TG: variants seen among roughly 807,000 people sequenced by gnomAD.
TG encodes thyroid hormones.
A neutral mutation model predicts 324.7 loss-of-function variants in TG; 270 were observed. That is an observed-to-expected ratio of 0.83 (90% confidence interval 0.75 to 0.92). TG has a LOEUF of 0.92. Among genes scored for constraint, TG ranks in the 40% least tolerant of loss-of-function variants. The pLI, the probability that TG is intolerant of heterozygous loss-of-function variation, is 0.00. For synonymous variants in TG, 1,401 were observed against 1,327.0 expected (o/e 1.06, Z -1.21); for missense variants, 3,591 against 3,456.4 (o/e 1.04, Z -0.98).
chr8:133,036,088 C>T (rs1241562297), intron 41 of TG, among the ~76,000 whole-genome samples: 1 of 152,184 alleles, frequency 6.6e-6, no homozygotes, highest in Non-Finnish European at 1.5e-5. Flanking sequence ...GCAGGAATTG[C>T]CCCATTATTC....
At chr8:132,878,669 G>A (rs1054643744) in intron 5 of TG, among the ~76,000 whole-genome samples, 6 of 151,462 alleles carry the variant, frequency 4.0e-5, no homozygotes, top group Non-Finnish European at 5.9e-5. Flanking sequence ...CAGAGGCTGC[G>A]AATGTTGGGT....
At chr8:132,989,766 G>A (rs1832071055) in intron 35 of TG, among the ~76,000 whole-genome samples, 1 of 152,180 alleles carries the variant, frequency 6.6e-6, no homozygotes, top group South Asian at 2.1e-4. Flanking sequence ...TGGAAACAGA[G>A]TCCTGTGATC....
intron 35 of TG, among the ~76,000 whole-genome samples, chr8:132,993,137 C>T (rs949474839): frequency 6.6e-6 from 1 of 152,270 alleles, no homozygotes; most frequent in South Asian, 2.1e-4. Context: ...AGTAGATGCT[C>T]AATATTATTT....
At chr8:132,903,817 C>T (rs1327774102) in intron 16 of TG, among the ~76,000 whole-genome samples, 1 of 152,214 alleles carries the variant, frequency 6.6e-6, no homozygotes, top group East Asian at 1.9e-4. Flanking sequence ...GTCCCCTAAC[C>T]TCTCTGGATG....
intron 2 of TG, among the ~76,000 whole-genome samples, chr8:132,869,337 C>T (rs1387931672): frequency 6.6e-6 from 1 of 152,180 alleles, no homozygotes; most frequent in African/African-American, 2.4e-5. Context: ...GGCCCCTGAT[C>T]CCACTAACAT....
At chr8:133,088,718 C>A (rs959121601) in intron 41 of TG, among the ~76,000 whole-genome samples, 7 of 152,186 alleles carry the variant, frequency 4.6e-5, no homozygotes, top group African/African-American at 1.7e-4. Flanking sequence ...CAGATTGTCT[C>A]CTAGATCATG....
intron 40 of TG, among the ~76,000 whole-genome samples, chr8:133,027,192 C>T (rs556556134): frequency 2.6e-5 from 4 of 152,252 alleles, no homozygotes; most frequent in East Asian, 1.9e-4. Context: ...TTGAAGAGAT[C>T]GAATGAGCAA....
chr8:133,129,094 G>A (rs530081538), intron 45 of TG, among the ~76,000 whole-genome samples: 4 of 152,260 alleles, frequency 2.6e-5, no homozygotes, highest in Admixed American at 6.5e-5. Flanking sequence ...CTTGGTCCTC[G>A]ACTCCCAGAT....
chr8:133,008,181 C>A (rs1224991408), intron 35 of TG, among the ~76,000 whole-genome samples: 1 of 152,036 alleles, frequency 6.6e-6, no homozygotes, highest in Non-Finnish European at 1.5e-5. Flanking sequence ...TTCCAAGTAA[C>A]CCAATGAAGC....
chr8:133,087,957 G>C (rs1447578480), intron 41 of TG: 3 of 152,220 alleles, frequency 2.0e-5, no homozygotes, highest in African/African-American at 7.2e-5. Flanking sequence ...TCTTTCTTGA[G>C]TGTACCGCAA....
intron 1 of TG, 118 bp downstream of exon 1, chr8:132,867,185 C>A: frequency 1.1e-6 from 1 of 907,668 alleles, no homozygotes; most frequent in Non-Finnish European, 1.7e-6. Context: ...TCCCACATGT[C>A]AGTGATTTGC....
intron 44 of TG, among the ~76,000 whole-genome samples, chr8:133,115,796 C>T (rs1361748920): frequency 6.6e-6 from 1 of 152,224 alleles, no homozygotes; most frequent in African/African-American, 2.4e-5. Flanking sequence ...CCTCTCTAAG[C>T]ACATAGCCTG....
intron 45 of TG, among the ~76,000 whole-genome samples, chr8:133,118,113 C>G (rs1201765119): frequency 6.6e-6 from 1 of 152,098 alleles, no homozygotes; most frequent in Non-Finnish European, 1.5e-5. Context: ...ATGGCCACCT[C>G]AAGATAGACT....
At chr8:133,062,230 A>C (rs1842467646) in intron 41 of TG, among the ~76,000 whole-genome samples, 1 of 152,114 alleles carries the variant, frequency 6.6e-6, no homozygotes, top group Non-Finnish European at 1.5e-5. Flanking sequence ...CAAACCAGAA[A>C]AACATGCGCA....
At chr8:133,096,450 C>T (rs943682242) in intron 43 of TG, 77 bp downstream of exon 43, 2 of 1,563,388 alleles carry the variant, frequency 1.3e-6, no homozygotes, top group African/African-American at 2.7e-5. Flanking sequence ...CTGACTTGAT[C>T]AAGAGATATT....
intron 41 of TG, among the ~76,000 whole-genome samples, chr8:133,085,499 A>G (rs535492670): frequency 1.3e-5 from 2 of 152,338 alleles, no homozygotes; most frequent in Admixed American, 1.3e-4. Flanking sequence ...AACACTTACA[A>G]CTCAGTAACA....
chr8:132,983,312 G>T, intron 34 of TG, 38 bp from the exon 35 acceptor site: 1 of 1,603,498 alleles, frequency 6.2e-7, no homozygotes, highest in Non-Finnish European at 8.5e-7. Context: ...ATACCATGGG[G>T]GTAGAAAAGA....
At chr8:133,128,030 T>G (rs1038470873) in intron 45 of TG, among the ~76,000 whole-genome samples, 1 of 152,166 alleles carries the variant, frequency 6.6e-6, no homozygotes, top group African/African-American at 2.4e-5. Flanking sequence ...AAATGGTATT[T>G]CATTTCTCTC....
intron 45 of TG, among the ~76,000 whole-genome samples, chr8:133,129,672 T>A (rs887650921): frequency 6.6e-6 from 1 of 152,094 alleles, no homozygotes; most frequent in Non-Finnish European, 1.5e-5. Context: ...AATTTTTGTA[T>A]TTTTTGTAGA....
Sources: gnomAD v4.1 joint callset for allele counts (sites outside exome capture counted in the v4.1 genomes callset) on GRCh38, gnomAD v4.1.1 for gene constraint, MANE v1.5 for transcripts, NCBI Gene and HGNC (gene_info 2026-07-23, HGNC 2026-07-21) for gene names.